RTN4RL1: variants seen among roughly 807,000 people sequenced by gnomAD.
The protein encoded by RTN4RL1 is reticulon-4 receptor-like 1.
A neutral mutation model predicts 25.6 loss-of-function variants in RTN4RL1; 7 were observed. That is an observed-to-expected ratio of 0.27 (90% CI 0.16 to 0.51). The LOEUF (loss-of-function observed/expected upper bound fraction) is 0.51, where lower values mean the gene tolerates loss of function less well. Ranked by LOEUF, RTN4RL1 falls within the 20% of genes least tolerant of loss-of-function variation. The pLI, the probability that RTN4RL1 is intolerant of heterozygous loss-of-function variation, is 0.97. For missense variants in RTN4RL1, 500 were observed against 615.6 expected (o/e 0.81, Z 1.99); for synonymous variants, 297 against 288.2 (o/e 1.03, Z -0.31).
chr17:2,008,447 G>A (rs963648255), intron 1 of RTN4RL1, among the ~76,000 whole-genome samples: 11 of 152,128 alleles, frequency 7.2e-5, no homozygotes, highest in African/African-American at 1.9e-4. Context: ...AAGCGTAGCC[G>A]GATTATGAAA....
chr17:1,953,054 A>G (rs1244810095), intron 1 of RTN4RL1, among the ~76,000 whole-genome samples: 7 of 151,782 alleles, frequency 4.6e-5, no homozygotes, highest in Admixed American at 4.6e-4. Context: ...TCTGGGTGAC[A>G]GAGTGAGATC....
chr17:1,979,526 G>A (rs34935012), intron 1 of RTN4RL1, among the ~76,000 whole-genome samples: 2 of 152,154 alleles, frequency 1.3e-5, no homozygotes, highest in African/African-American at 4.8e-5. Context: ...ATGCTGAGTG[G>A]GGGGGTGTGG....
rs1434012130 is a variant in RTN4RL1 at position 2,010,081 on chromosome 17, A to G, written c.13+14772T>C. Among the ~76,000 whole-genome samples, 7 of 128,020 alleles carry G rather than the reference A, an allele frequency of 5.5e-5. 2 individuals are homozygous for G. The highest frequency in any genetic ancestry group is 9.0e-5 in the African/African-American group (3 of 33,458). 84.0% of individuals were successfully genotyped at this position (128,020 alleles called of 152,430 possible). The stretch of plus-strand genomic sequence containing the variant: ...GTCTATCAGAAAGACTTCTCTGCCA[A>G]TCTCCTAAAATAACCGCTCTCTGGT... On this transcript the variant is annotated intron_variant, in intron 1 of 1. Transcript: ENST00000331238.
intron 1 of RTN4RL1, among the ~76,000 whole-genome samples, chr17:1,971,700 A>G (rs926601911): frequency 6.6e-6 from 1 of 151,982 alleles, no homozygotes; most frequent in Non-Finnish European, 1.5e-5. Context: ...CGGTGGCTCA[A>G]GCCTGTAATC....
intron 1 of RTN4RL1, among the ~76,000 whole-genome samples, chr17:1,949,123 A>ATT (rs373598895): frequency 1.4e-5 from 2 of 147,702 alleles, no homozygotes; most frequent in African/African-American, 5.0e-5. Context: ...CACCTGGCTA[A>ATT]TTTTTTTTTT....
Position 1,935,676 on chromosome 17 carries a change from T to G in RTN4RL1, c.*820A>C, listed in dbSNP as rs1915279553. On this transcript the variant is annotated 3_prime_UTR_variant, in exon 2 of 2. Coordinates refer to ENST00000331238, the MANE Select transcript of RTN4RL1 (RefSeq NM_178568.4). ...TTATAAACATGAAAAGACGTACAGTTAGGTAACGGAGTGGGAGGGGGACTG... is the reference window on the plus strand; with the variant it reads ...TTATAAACATGAAAAGACGTACAGTGAGGTAACGGAGTGGGAGGGGGACTG... The G allele has an allele frequency of 1.0e-6, 1 of 961,954 alleles. No homozygotes were observed. The highest frequency in any genetic ancestry group is 1.9e-5 in the African/African-American group (1 of 53,380). 59.6% of individuals were successfully genotyped at this position (961,954 alleles called of 1,614,324 possible).
chr17:1,991,688 G>C (rs1248128534), intron 1 of RTN4RL1, among the ~76,000 whole-genome samples: 1 of 152,100 alleles, frequency 6.6e-6, no homozygotes, highest in Non-Finnish European at 1.5e-5. Flanking sequence ...AAGGTAGCTT[G>C]GCATCCACCC....
chr17:2,003,660 G>C (rs1368632658), intron 1 of RTN4RL1: 4 of 152,528 alleles, frequency 2.6e-5, no homozygotes, highest in African/African-American at 9.6e-5. Flanking sequence ...CAAAGCAGGA[G>C]CCCAAGTCCC....
chr17:2,023,126 C>T (rs1406795752), intron 1 of RTN4RL1, among the ~76,000 whole-genome samples: 1 of 152,218 alleles, frequency 6.6e-6, no homozygotes, highest in Non-Finnish European at 1.5e-5. Flanking sequence ...CAGTTCCTCT[C>T]CATTATCCCT....
chr17:1,968,570 T>C (rs894710688), intron 1 of RTN4RL1, among the ~76,000 whole-genome samples: 11 of 152,212 alleles, frequency 7.2e-5, no homozygotes, highest in Middle Eastern at 3.2e-3. Flanking sequence ...CCAACACTCA[T>C]CTGCAGTCAG....
intron 1 of RTN4RL1, 67 bp downstream of exon 1, chr17:2,024,786 G>A: frequency 2.0e-6 from 3 of 1,506,754 alleles, no homozygotes; most frequent in East Asian, 5.1e-5. Flanking sequence ...GCGCCGGGCG[G>A]CGCCCGGGCT....
At position 2,024,952 on chromosome 17, in the gene RTN4RL1, C is replaced by A; in HGVS notation, c.-87G>T. The A allele has an allele frequency of 1.4e-6, 2 of 1,410,208 alleles. No individual in the cohort carries two copies. The highest frequency in any genetic ancestry group is 1.3e-5 in the South Asian group (1 of 79,146). The allele number at this position is 1,410,208 out of a possible 1,614,324, so 87.4% of individuals were successfully genotyped here. A position where few individuals can be genotyped will look rare whatever the true frequency, so the allele number is the denominator to read the frequency against. On this transcript the variant is annotated 5_prime_UTR_variant, in exon 1 of 2. Coordinates refer to ENST00000331238, the MANE Select transcript of RTN4RL1 (RefSeq NM_178568.4). ...TCAAATCCCTGGGCGCCAGCTGCAGCTAATCCGAGCGCGTCGAGGCGGGGG... is the reference window on the plus strand; with the variant it reads ...TCAAATCCCTGGGCGCCAGCTGCAGATAATCCGAGCGCGTCGAGGCGGGGG...
chr17:1,947,008 GT>G (rs1915569178), intron 1 of RTN4RL1, among the ~76,000 whole-genome samples: 1 of 144,988 alleles, frequency 6.9e-6, no homozygotes, highest in African/African-American at 2.6e-5. Context: ...GTGCATCTCT[GT>G]GTGAATGTGT....
At chr17:2,002,187 G>A (rs1180930019) in intron 1 of RTN4RL1, among the ~76,000 whole-genome samples, 1 of 151,922 alleles carries the variant, frequency 6.6e-6, no homozygotes, top group Non-Finnish European at 1.5e-5. Context: ...TTTCTGCAAG[G>A]ACTGTCTTCC....
At chr17:1,951,892 A>G (rs1476837190) in intron 1 of RTN4RL1, among the ~76,000 whole-genome samples, 1 of 149,722 alleles carries the variant, frequency 6.7e-6, no homozygotes, top group Non-Finnish European at 1.5e-5. Flanking sequence ...AGAAAGGCGG[A>G]GGCAGAAGGC....
intron 1 of RTN4RL1, chr17:2,018,104 G>A (rs1025000692): frequency 2.6e-5 from 4 of 152,454 alleles, no homozygotes; most frequent in Non-Finnish European, 5.9e-5. Flanking sequence ...AGGCCCCCCA[G>A]GAGGTAGGGA....
At chr17:2,002,568 A>G (rs1351588904) in intron 1 of RTN4RL1, among the ~76,000 whole-genome samples, 1 of 151,362 alleles carries the variant, frequency 6.6e-6, no homozygotes, top group Non-Finnish European at 1.5e-5. Flanking sequence ...CTGGGATTAC[A>G]GGCGTGAGCC....
At chr17:2,015,962 A>G (rs1269735705) in intron 1 of RTN4RL1, among the ~76,000 whole-genome samples, 8 of 152,068 alleles carry the variant, frequency 5.3e-5, no homozygotes, top group African/African-American at 1.9e-4. Flanking sequence ...TCCAAGCTGG[A>G]GGGGCGGCCA....
intron 1 of RTN4RL1, among the ~76,000 whole-genome samples, chr17:2,006,714 G>A (rs574162834): frequency 9.2e-5 from 14 of 152,334 alleles, no homozygotes; most frequent in South Asian, 4.1e-4. Context: ...TCCGCCTCCC[G>A]GCTTCAAGTG....
Sources: allele counts gnomAD v4.1 joint callset (sites outside exome capture counted in the v4.1 genomes callset), GRCh38; gene constraint gnomAD v4.1.1; transcripts MANE v1.5; gene names NCBI Gene and HGNC (gene_info 2026-07-23, HGNC 2026-07-21).